Variants in FNTA observed in about 807,000 individuals in gnomAD.
FNTA encodes the protein protein farnesyltransferase/geranylgeranyltransferase type-1 subunit alpha.
In FNTA, 27 loss-of-function variants were observed where a neutral mutation model predicts 55.2. The observed-to-expected ratio is 0.49, with a 90% confidence interval of 0.36 to 0.67. The LOEUF (loss-of-function observed/expected upper bound fraction) is 0.67, where lower values mean the gene tolerates loss of function less well. FNTA is among the 30% of genes least tolerant of loss of function. The pLI is 0.00. For missense variants in FNTA, 422 were observed against 464.7 expected, an observed-to-expected ratio of 0.91 and a Z score of 0.85; for synonymous variants, 176 against 170.7, an observed-to-expected ratio of 1.03 and a Z score of -0.24.
chr8:43,068,875 A>G (rs1034485911), intron 3 of FNTA, among the ~76,000 whole-genome samples: 12 of 151,798 alleles, frequency 7.9e-5, no homozygotes, highest in African/African-American at 1.5e-4. Flanking sequence ...ACCTCGCCCA[A>G]CTGATTTTGC....
intron 2 of FNTA, among the ~76,000 whole-genome samples, chr8:43,060,535 C>T (rs982628978): frequency 6.6e-6 from 1 of 152,014 alleles, no homozygotes; most frequent in Non-Finnish European, 1.5e-5. Context: ...ATTAGCTGGG[C>T]GTGGTGGCAG....
At chr8:43,075,549 C>G (rs1224896916) in intron 5 of FNTA, among the ~76,000 whole-genome samples, 2 of 151,870 alleles carry the variant, frequency 1.3e-5, no homozygotes, top group African/African-American at 4.8e-5. Context: ...GGTGTGGTGG[C>G]TCATGCCTGT....
chr8:43,058,574 A>G (rs1409464643), intron 1 of FNTA, among the ~76,000 whole-genome samples: 1 of 152,108 alleles, frequency 6.6e-6, no homozygotes, highest in Non-Finnish European at 1.5e-5. Context: ...GATTGAGACC[A>G]TCCTGGCCAA....
intron 5 of FNTA, chr8:43,076,996 CT>C (rs36093358): frequency 3.5e-5 from 13 of 367,702 alleles, no homozygotes; most frequent in South Asian, 1.7e-4. Flanking sequence ...TCTTGGATGT[CT>C]TTTTTCCTGC....
chr8:43,065,395 A>G (rs1385245935), intron 3 of FNTA, among the ~76,000 whole-genome samples: 1 of 151,794 alleles, frequency 6.6e-6, no homozygotes, highest in Admixed American at 6.6e-5. Context: ...TTACAGGTGT[A>G]CGCCACCACA....
chr8:43,061,549 ATGTC>A (rs1482611766), intron 2 of FNTA, among the ~76,000 whole-genome samples: 3 of 152,200 alleles, frequency 2.0e-5, no homozygotes, highest in Non-Finnish European at 2.9e-5. Context: ...TGGAAGCTAT[ATGTC>A]TATCTTTTGG....
At chr8:43,068,718 T>C (rs185817883) in intron 3 of FNTA, among the ~76,000 whole-genome samples, 24 of 152,316 alleles carry the variant, frequency 1.6e-4, no homozygotes, top group Admixed American at 2.0e-4. Flanking sequence ...CTTTCACTAT[T>C]TTTTTCTTTT....
rs1810395824 is a variant in FNTA, at chr8:43,056,341, G to A, written c.-6G>A. On this transcript the variant is annotated 5_prime_UTR_variant, in exon 1 of 9. Transcript: ENST00000302279. ...CGCCACCACCTCAGCTGCGGACCGAGGCGAGATGGCGGCCACCGAGGGGGT... is the reference window on the plus strand; with the variant it reads ...CGCCACCACCTCAGCTGCGGACCGAAGCGAGATGGCGGCCACCGAGGGGGT... 7.1e-7 allele frequency: 1 copy of A among 1,412,340 alleles called. No individual in the cohort carries two copies. Among genetic ancestry groups the A allele is most frequent in the Non-Finnish European group, 9.2e-7 (1 of 1,091,628 alleles). The allele number at this position is 1,412,340 out of a possible 1,614,324, so 87.5% of individuals were successfully genotyped here.
chr8:43,056,393 C>G lies in FNTA; in HGVS notation c.47C>G (p.Pro16Arg), dbSNP rs1361376970. The change falls in exon 1 of 9, where the codon CCC becomes CGC. Residue 16 changes from proline to arginine, a missense_variant. Pro to Arg is a moderately radical substitution (Grantham distance 103). Transcript: ENST00000302279. ...GGGGAGGCTGCGCAAGGGGGCGAGCCCGGGCAGCCGGCGCAACCCCCGCCC... is the reference window on the plus strand; with the variant it reads ...GGGGAGGCTGCGCAAGGGGGCGAGCGCGGGCAGCCGGCGCAACCCCCGCCC... ...GVGEAAQGGE[P>R]GQPAQPPPQP... 1.3e-6 allele frequency: 2 copies of G among 1,497,652 alleles called. No homozygotes were observed. The highest frequency in any genetic ancestry group is 2.9e-5 in the African/African-American group (2 of 68,832). The allele number at this position is 1,497,652 out of a possible 1,614,324, so 92.8% of individuals were successfully genotyped here.
chr8:43,068,784 C>CT (rs766752406), intron 3 of FNTA, among the ~76,000 whole-genome samples: 2 of 152,214 alleles, frequency 1.3e-5, no homozygotes, highest in Non-Finnish European at 2.9e-5. Context: ...GTGATCTTGG[C>CT]TCACTGCAGC....
intron 2 of FNTA, among the ~76,000 whole-genome samples, chr8:43,062,896 G>C (rs1810568023): frequency 6.6e-6 from 1 of 152,090 alleles, no homozygotes; most frequent in Non-Finnish European, 1.5e-5. Context: ...TGCAAGTAGT[G>C]GGTCACCACA....
chr8:43,078,132 C>G (rs1810950805), intron 6 of FNTA: 1 of 152,142 alleles, frequency 6.6e-6, no homozygotes, highest in Non-Finnish European at 1.5e-5. Context: ...GCTTGCTCTT[C>G]TTTTATCTGC....
Position 43,063,613 on chromosome 8 carries a change from A to G in FNTA, c.287-488A>G, listed in dbSNP as rs1026199980. The stretch of plus-strand genomic sequence containing the variant: ...CTATATACTTGTAGATGCATAGACT[A>G]TATTTGGAAGGATACACTAGAATGA... On this transcript the variant is annotated intron_variant, in intron 2 of 8. Coordinates refer to ENST00000302279, the MANE Select transcript of FNTA (RefSeq NM_002027.3). Among the ~76,000 whole-genome samples, 6 of 152,138 alleles carry G rather than the reference A, an allele frequency of 3.9e-5. No homozygotes were observed. The South Asian group carries it at 6.2e-4, about 16-fold the overall frequency.
At chr8:43,066,229 T>G (rs1810654952) in intron 3 of FNTA, among the ~76,000 whole-genome samples, 1 of 150,872 alleles carries the variant, frequency 6.6e-6, no homozygotes, top group African/African-American at 2.5e-5. Flanking sequence ...CATTTTTAAT[T>G]TGGGGGAGCT....
chr8:43,075,302 CTTAATGCGTTTA>C (rs1169681040), intron 5 of FNTA, among the ~76,000 whole-genome samples: 1 of 152,124 alleles, frequency 6.6e-6, no homozygotes, highest in Non-Finnish European at 1.5e-5. Flanking sequence ...TGTTACTTTC[CTTAATGCGTTTA>C]TTTTTATGAT....
chr8:43,071,182 G>A (rs568138588), intron 4 of FNTA, among the ~76,000 whole-genome samples: 3 of 152,134 alleles, frequency 2.0e-5, no homozygotes, highest in South Asian at 4.2e-4. Flanking sequence ...GTTTTATTGA[G>A]ATATAGTTCA....
chr8:43,060,631 C>T (rs934807534), intron 2 of FNTA, among the ~76,000 whole-genome samples: 5 of 150,340 alleles, frequency 3.3e-5, no homozygotes, highest in African/African-American at 7.4e-5. Flanking sequence ...GCCACGATCA[C>T]GCCATTGCAC....
chr8:43,059,617 G>A (rs958927767), intron 2 of FNTA, among the ~76,000 whole-genome samples: 1 of 152,154 alleles, frequency 6.6e-6, no homozygotes, highest in African/African-American at 2.4e-5. Context: ...AAAATGAGTG[G>A]ATTTTTTTCT....
intron 4 of FNTA, chr8:43,069,996 G>A (rs537238910): frequency 7.3e-4 from 120 of 163,860 alleles, no homozygotes; most frequent in African/African-American, 2.7e-3. Flanking sequence ...GCTTCTGCTT[G>A]TAATCCCAGC....
Sources: allele counts gnomAD v4.1 joint callset (sites outside exome capture counted in the v4.1 genomes callset), GRCh38; gene constraint gnomAD v4.1.1; transcripts MANE v1.5; gene names NCBI Gene and HGNC (gene_info 2026-07-23, HGNC 2026-07-21).